The following NUDT3 variants were observed in gnomAD, a reference collection of about 807,000 sequenced individuals.
NUDT3 encodes diphosphoinositol polyphosphate phosphohydrolase 1.
Under a neutral mutation model 23.6 loss-of-function variants are expected in NUDT3, and 9 were observed. That is an observed-to-expected ratio of 0.38 (90% confidence interval 0.23 to 0.66). The LOEUF (loss-of-function observed/expected upper bound fraction) is 0.66. NUDT3 is among the 30% of genes least tolerant of loss of function. The probability of loss-of-function intolerance (pLI) is 0.52; values close to 1 mark genes in which losing one functional copy is unlikely to be tolerated. For missense variants in NUDT3, 172 were observed against 218.5 expected (o/e 0.79, Z 1.34); for synonymous variants, 86 against 82.6 (o/e 1.04, Z -0.22).
intron 1 of NUDT3, among the ~76,000 whole-genome samples, chr6:34,365,732 G>C (rs1470558628): frequency 6.6e-6 from 1 of 152,132 alleles, no homozygotes; most frequent in Non-Finnish European, 1.5e-5. Context: ...GGGTCACACA[G>C]CAAGAACTCA....
intron 2 of NUDT3, among the ~76,000 whole-genome samples, chr6:34,322,680 A>G (rs1413681720): frequency 6.6e-6 from 1 of 152,244 alleles, no homozygotes; most frequent in African/African-American, 2.4e-5. Context: ...AAATATAACA[A>G]ACATTTCATG....
chr6:34,308,434 C>G (rs1280541035), intron 2 of NUDT3, among the ~76,000 whole-genome samples: 1 of 147,748 alleles, frequency 6.8e-6, no homozygotes, highest in Admixed American at 6.8e-5. Flanking sequence ...GCACTCCAGC[C>G]TGGGAGACAG....
At chr6:34,345,356 T>A (rs1764350070) in intron 1 of NUDT3, among the ~76,000 whole-genome samples, 1 of 151,964 alleles carries the variant, frequency 6.6e-6, no homozygotes, top group South Asian at 2.1e-4. Flanking sequence ...CTGATCACTG[T>A]CATTTTTTAA....
At chr6:34,304,985 T>G (rs1324442871) in intron 2 of NUDT3, among the ~76,000 whole-genome samples, 1 of 134,668 alleles carries the variant, frequency 7.4e-6, no homozygotes, top group African/African-American at 2.8e-5. Context: ...ATTTTTTTTT[T>G]TTTTTTTTTT....
chr6:34,325,660 G>A (rs571394241), intron 2 of NUDT3, among the ~76,000 whole-genome samples: 2 of 152,110 alleles, frequency 1.3e-5, no homozygotes, highest in Non-Finnish European at 2.9e-5. Context: ...TTTTTACTAC[G>A]GAGCCACATT....
chr6:34,354,728 G>T lies in NUDT3; in HGVS notation c.100-12756C>A, dbSNP rs190842688. ...ACAGAGCAAGACTCTATCTCGGGGG[G>T]GAAAAAGTATATATATATATATATT... On this transcript the variant is annotated intron_variant, in intron 1 of 4. Transcript: ENST00000607016. Among the ~76,000 whole-genome samples the T allele has an allele frequency of 9.4e-3, 1,168 of 124,418 alleles. 7 individuals are homozygous for T. The highest frequency in any genetic ancestry group is 0.016 in the Non-Finnish European group (857 of 55,254). The allele number at this position is 124,418 out of a possible 152,430, so 81.6% of individuals were successfully genotyped here. A position where few individuals can be genotyped will look rare whatever the true frequency, so the allele number is the denominator to read the frequency against.
intron 2 of NUDT3, among the ~76,000 whole-genome samples, chr6:34,314,861 A>G (rs2113712691): frequency 1.3e-5 from 2 of 152,266 alleles, no homozygotes; most frequent in South Asian, 4.1e-4. Flanking sequence ...TTATATCATG[A>G]TATCTATGCT....
At chr6:34,324,858 AAAAGAG>A (rs1293506501) in intron 2 of NUDT3, among the ~76,000 whole-genome samples, 1 of 150,316 alleles carries the variant, frequency 6.7e-6, no homozygotes. Context: ...CGCTTCTCTG[AAAAGAG>A]AGAGAGGCGG....
At chr6:34,331,605 C>T (rs1177091547) in intron 2 of NUDT3, among the ~76,000 whole-genome samples, 1 of 152,132 alleles carries the variant, frequency 6.6e-6, no homozygotes, top group East Asian at 1.9e-4. Context: ...GAGAACTAAC[C>T]ACACTTTTTA....
Position 34,392,412 on chromosome 6 carries a change from G to C in NUDT3, c.-50C>G. On this transcript the variant is annotated 5_prime_UTR_variant, in exon 1 of 5. Coordinates refer to ENST00000607016, the MANE Select transcript of NUDT3 (RefSeq NM_006703.4). Reference sequence around the variant, plus strand: ...GTGCGGGTCGCAGGAGTCGAGGGGTGGGGAGCCCGCTCTGGACGGCCGCGT... The same window carrying C: ...GTGCGGGTCGCAGGAGTCGAGGGGTCGGGAGCCCGCTCTGGACGGCCGCGT... 6.8e-7 allele frequency: 1 copy of C among 1,460,878 alleles called. No homozygotes were observed. Among genetic ancestry groups the C allele is most frequent in the Non-Finnish European group, 9.4e-7 (1 of 1,069,008 alleles). The allele number at this position is 1,460,878 out of a possible 1,614,324, so 90.5% of individuals were successfully genotyped here.
chr6:34,297,734 TATA>T (rs1291308763), intron 2 of NUDT3, among the ~76,000 whole-genome samples: 6 of 40,166 alleles, frequency 1.5e-4, no homozygotes, highest in Admixed American at 1.0e-3. Flanking sequence ...AAAAAAAATA[TATA>T]TATATATATA....
Position 34,361,558 on chromosome 6 carries a change from AC to A in NUDT3, c.100-19587del, listed in dbSNP as rs530564565. ...CCAAAAAGTCAGAAACTTAAGTGACACAAAAACCTGCACATGTATGTTTATA... is the reference window on the plus strand; with the variant it reads ...CCAAAAAGTCAGAAACTTAAGTGACAAAAAACCTGCACATGTATGTTTATA... On this transcript the variant is annotated intron_variant, in intron 1 of 4. Transcript: ENST00000607016. Among the ~76,000 whole-genome samples, 80 of 152,368 alleles carry A rather than the reference AC, an allele frequency of 5.3e-4. 1 individual carries two copies. The highest frequency in any genetic ancestry group is 1.0e-3 in the Non-Finnish European group (69 of 68,038).
chr6:34,361,005 G>A (rs1023728297), intron 1 of NUDT3, among the ~76,000 whole-genome samples: 10 of 152,100 alleles, frequency 6.6e-5, no homozygotes, highest in African/African-American at 1.2e-4. Flanking sequence ...GGAGGACTGC[G>A]TGAGGTCAGG....
At chr6:34,386,901 T>A (rs1426909316) in intron 1 of NUDT3, among the ~76,000 whole-genome samples, 1 of 152,134 alleles carries the variant, frequency 6.6e-6, no homozygotes, top group African/African-American at 2.4e-5. Context: ...ATTGCCTTAG[T>A]CCAGGAGTTC....
intron 1 of NUDT3, among the ~76,000 whole-genome samples, chr6:34,390,942 G>A (rs1030208764): frequency 1.3e-5 from 2 of 152,168 alleles, no homozygotes; most frequent in African/African-American, 2.4e-5. Flanking sequence ...GCCCTGGTTA[G>A]CTATTACAAT....
chr6:34,302,713 C>T (rs1763618105), intron 2 of NUDT3, among the ~76,000 whole-genome samples: 1 of 152,172 alleles, frequency 6.6e-6, no homozygotes, highest in African/African-American at 2.4e-5. Flanking sequence ...GCCTGGGTGA[C>T]AGAGCGAGAG....
At chr6:34,362,326 A>G (rs1052564808) in intron 1 of NUDT3, among the ~76,000 whole-genome samples, 2 of 151,856 alleles carry the variant, frequency 1.3e-5, no homozygotes, top group African/African-American at 4.8e-5. Flanking sequence ...CTACAGGAGC[A>G]TGCCACCACA....
chr6:34,390,565 T>C lies in NUDT3; in HGVS notation c.99+1699A>G, dbSNP rs372618496. On this transcript the variant is annotated intron_variant, in intron 1 of 4. Coordinates refer to ENST00000607016, the MANE Select transcript of NUDT3 (RefSeq NM_006703.4). ...TTTTTTTTATATTTAGAGATGGGGA[T>C]CTGTGTTGGCCAGGTTGGTCTCGAA... Among the ~76,000 whole-genome samples the C allele has an allele frequency of 2.8e-4, 42 of 152,264 alleles. No individual in the cohort carries two copies. In the South Asian group the frequency reaches 8.5e-3, roughly 31 times the overall value.
At chr6:34,351,219 A>AAAAAAAAAAAAAAAAAAAAAAAAC (rs1764468299) in intron 1 of NUDT3, among the ~76,000 whole-genome samples, 1 of 137,444 alleles carries the variant, frequency 7.3e-6, no homozygotes. Context: ...AAAAAAAAAA[A>AAAAAAAAAAAAAAAAAAAAAAAAC]AAAAAAACAC....
Sources: gnomAD v4.1 joint callset for allele counts (sites outside exome capture counted in the v4.1 genomes callset) on GRCh38, gnomAD v4.1.1 for gene constraint, MANE v1.5 for transcripts, NCBI Gene and HGNC (gene_info 2026-07-23, HGNC 2026-07-21) for gene names.